Variants in CTNNA2 observed in about 807,000 individuals in gnomAD.
The protein encoded by CTNNA2 is catenin alpha-2.
CTNNA2 carries 42 observed loss-of-function variants against 101.0 expected under a neutral mutation model. The ratio of observed to expected loss-of-function variants is 0.42; its 90% CI spans 0.32 to 0.54. The LOEUF is 0.54. CTNNA2 is among the 20% of genes least tolerant of loss of function. The pLI is 0.14. For synonymous variants in CTNNA2, 450 were observed against 456.4 expected, an observed-to-expected ratio of 0.99 and a Z score of 0.18; for missense variants, 871 against 1,223.1, an observed-to-expected ratio of 0.71 and a Z score of 4.29.
chr2:79,358,668 T>G (rs906724641), intron 3 of CTNNA2, among the ~76,000 whole-genome samples: 1 of 152,206 alleles, frequency 6.6e-6, no homozygotes, highest in African/African-American at 2.4e-5. Flanking sequence ...CCAAAGTATT[T>G]CTTTCAAGAA....
At chr2:79,605,453 C>T (rs1677822683) in intron 1 of CTNNA2, among the ~76,000 whole-genome samples, 1 of 151,482 alleles carries the variant, frequency 6.6e-6, no homozygotes, top group Non-Finnish European at 1.5e-5. Context: ...GTGAAACAAA[C>T]TGAGCATAAG....
intron 1 of CTNNA2, among the ~76,000 whole-genome samples, chr2:79,525,450 G>A (rs913149708): frequency 6.6e-6 from 1 of 151,970 alleles, no homozygotes; most frequent in Non-Finnish European, 1.5e-5. Context: ...TATCAGTATT[G>A]ATTTATCATT....
At chr2:80,069,025 T>C (rs531865842) in intron 7 of CTNNA2, among the ~76,000 whole-genome samples, 4 of 152,226 alleles carry the variant, frequency 2.6e-5, no homozygotes, top group African/African-American at 4.8e-5. Flanking sequence ...CTAACTATTA[T>C]ATAGGAGGCC....
chr2:80,362,694 C>G (rs1050578218), intron 7 of CTNNA2, among the ~76,000 whole-genome samples: 3 of 152,108 alleles, frequency 2.0e-5, no homozygotes, highest in African/African-American at 4.8e-5. Context: ...AATGTGTCAG[C>G]TCTACATTTA....
intron 14 of CTNNA2, among the ~76,000 whole-genome samples, chr2:80,583,723 A>C (rs573658841): frequency 2.0e-5 from 3 of 152,294 alleles, no homozygotes; most frequent in Admixed American, 1.3e-4. Context: ...ATAGAGTCGC[A>C]ATATACTTCT....
At chr2:80,514,660 C>T (rs981009599) in intron 9 of CTNNA2, among the ~76,000 whole-genome samples, 2 of 151,948 alleles carry the variant, frequency 1.3e-5, no homozygotes, top group Non-Finnish European at 2.9e-5. Context: ...GAAGTCAGGC[C>T]GTCTCTGGCC....
intron 7 of CTNNA2, among the ~76,000 whole-genome samples, chr2:80,376,787 T>C (rs1170535322): frequency 6.6e-6 from 1 of 152,232 alleles, no homozygotes; most frequent in Non-Finnish European, 1.5e-5. Flanking sequence ...TTCTAATTTC[T>C]GCAAGGCCAT....
intron 7 of CTNNA2, among the ~76,000 whole-genome samples, chr2:80,216,579 A>C (rs1293927275): frequency 1.3e-5 from 2 of 152,116 alleles, no homozygotes; most frequent in Admixed American, 6.5e-5. Flanking sequence ...AGAGCTAGCT[A>C]TCTCTCTTTT....
intron 3 of CTNNA2, among the ~76,000 whole-genome samples, chr2:79,323,000 A>G (rs760303008): frequency 1.3e-5 from 2 of 152,184 alleles, no homozygotes; most frequent in Admixed American, 6.5e-5. Flanking sequence ...AACATCTTTC[A>G]TCACAGGCAT....
intron 3 of CTNNA2, among the ~76,000 whole-genome samples, chr2:79,369,746 C>A (rs1483820500): frequency 1.3e-5 from 2 of 152,144 alleles, no homozygotes; most frequent in African/African-American, 4.8e-5. Flanking sequence ...ATATTGCTCC[C>A]ATTTACCTCC....
chr2:79,356,354 C>T (rs568241660), intron 3 of CTNNA2, among the ~76,000 whole-genome samples: 2 of 152,036 alleles, frequency 1.3e-5, no homozygotes, highest in East Asian at 3.9e-4. Context: ...ATTACTATAA[C>T]CTTTTCAGAT....
At chr2:79,579,216 C>A (rs542081442) in intron 1 of CTNNA2, among the ~76,000 whole-genome samples, 6 of 147,812 alleles carry the variant, frequency 4.1e-5, no homozygotes, top group Non-Finnish European at 7.5e-5. Flanking sequence ...CCTTCCCTCC[C>A]TCCCTCTATC....
chr2:80,360,681 C>CTGT (rs1674319414), intron 7 of CTNNA2, among the ~76,000 whole-genome samples: 1 of 152,004 alleles, frequency 6.6e-6, no homozygotes, highest in African/African-American at 2.4e-5. Context: ...GCTTACAAAC[C>CTGT]ACTTCTCTAG....
intron 7 of CTNNA2, among the ~76,000 whole-genome samples, chr2:80,010,538 A>G (rs1693704966): frequency 6.6e-6 from 1 of 152,092 alleles, no homozygotes; most frequent in South Asian, 2.1e-4. Context: ...TCCTAGGCTA[A>G]AGTGATCCTT....
intron 7 of CTNNA2, among the ~76,000 whole-genome samples, chr2:80,096,816 C>G (rs1573063860): frequency 6.6e-6 from 1 of 152,164 alleles, no homozygotes; most frequent in South Asian, 2.1e-4. Context: ...TTATCAGAGA[C>G]TAGGATTGCA....
At position 80,041,512 on chromosome 2, in the gene CTNNA2, T is replaced by C. The variant is rs1696054214; in HGVS notation, c.1056+131715T>C. ...TGCATTATGATAATGCAGCTGCTTG[T>C]ATATAAAGACACTACCTAGCAAAAT... On this transcript the variant is annotated intron_variant, in intron 7 of 18. Transcript: ENST00000402739. Among the ~76,000 whole-genome samples, 4 of 152,260 alleles carry C rather than the reference T, an allele frequency of 2.6e-5. No homozygotes were observed. In the South Asian group the frequency reaches 8.3e-4, roughly 32 times the overall value.
intron 18 of CTNNA2, among the ~76,000 whole-genome samples, chr2:80,636,754 C>G (rs559087438): frequency 6.6e-6 from 1 of 152,224 alleles, no homozygotes; most frequent in South Asian, 2.1e-4. Context: ...GCTTCCCAGG[C>G]TAGATTGCCT....
At chr2:79,648,412 C>CT (rs1036985769) in intron 1 of CTNNA2, among the ~76,000 whole-genome samples, 2 of 152,094 alleles carry the variant, frequency 1.3e-5, no homozygotes, top group South Asian at 2.1e-4. Flanking sequence ...GGAACAGAAT[C>CT]TTTTTTTTCT....
chr2:80,586,767 T>C (rs1424721865), intron 14 of CTNNA2, among the ~76,000 whole-genome samples: 1 of 152,190 alleles, frequency 6.6e-6, no homozygotes, highest in African/African-American at 2.4e-5. Flanking sequence ...TTTTTAAATA[T>C]GGATTAAAAT....
Sources: allele counts gnomAD v4.1 joint callset (sites outside exome capture counted in the v4.1 genomes callset), GRCh38; gene constraint gnomAD v4.1.1; transcripts MANE v1.5; gene names NCBI Gene and HGNC (gene_info 2026-07-23, HGNC 2026-07-21).